Variants in ZNF276 observed in about 807,000 individuals in gnomAD.
ZNF276 encodes the protein centromere protein Z.
In ZNF276, 59 loss-of-function variants were observed where a neutral mutation model predicts 63.9. The ratio of observed to expected loss-of-function variants is 0.92; its 90% CI spans 0.75 to 1.15. The LOEUF (loss-of-function observed/expected upper bound fraction) is 1.15. Ranked by LOEUF, ZNF276 falls within the 50% of genes most tolerant of loss-of-function variation. The probability of loss-of-function intolerance (pLI) is 0.00; values close to 1 mark genes in which losing one functional copy is unlikely to be tolerated. For synonymous variants in ZNF276, 496 were observed against 348.4 expected, an observed-to-expected ratio of 1.42 and a Z score of -4.72; for missense variants, 1,084 against 843.8, an observed-to-expected ratio of 1.28 and a Z score of -3.53.
At chr16:89,727,198 A>G (rs569605783) in intron 4 of ZNF276, 81 bp from the exon 5 acceptor site, 331 of 1,404,066 alleles carry the variant, frequency 2.4e-4, no homozygotes, top group South Asian at 5.2e-4. Flanking sequence ...CTAGTCATCA[A>G]TAGTAGAATC....
chr16:89,725,756 G>A (rs111746983), intron 4 of ZNF276, among the ~76,000 whole-genome samples: 172 of 152,106 alleles, frequency 1.1e-3, no homozygotes, highest in African/African-American at 3.7e-3. Flanking sequence ...CTACCACTAC[G>A]CTCTGGCCTG....
chr16:89,737,700 T>G, intron 9 of ZNF276, 106 bp from the exon 10 acceptor site: 1 of 1,578,584 alleles, frequency 6.3e-7, no homozygotes, highest in Non-Finnish European at 8.6e-7. Context: ...TGGTGAACCA[T>G]GTGCAGAAAT....
chr16:89,733,289 C>G lies in ZNF276; in HGVS notation c.1170-13C>G, dbSNP rs1168769747. ...ATCAGAAACCATTGAATTTGGGAAC[C>G]TCTTTTTTTCAGAGTCTCTGGTAAG... On this transcript the variant is annotated splice_polypyrimidine_tract_variant and intron_variant, in intron 6 of 10. Coordinates refer to ENST00000443381, the MANE Select transcript of ZNF276 (RefSeq NM_001113525.2). The G allele has an allele frequency of 1.2e-6, 2 of 1,607,730 alleles. No homozygotes were observed. The highest frequency in any genetic ancestry group is 1.7e-5 in the Admixed American group (1 of 58,414).
chr16:89,733,762 T>C (rs964974721), intron 8 of ZNF276, among the ~76,000 whole-genome samples, 159 bp from the exon 9 acceptor site: 2 of 150,506 alleles, frequency 1.3e-5, no homozygotes, highest in African/African-American at 4.9e-5. Flanking sequence ...CCCCGGGGGG[T>C]CTAGAAGTTT....
In ZNF276 at chr16:89,738,119, T is replaced by C; in HGVS notation, c.1718T>C (p.Met573Thr). 1 of 1,613,820 alleles carries C rather than the reference T, an allele frequency of 6.2e-7. No individual in the cohort carries two copies. The highest frequency in any genetic ancestry group is 8.5e-7 in the Non-Finnish European group (1 of 1,179,994). The change falls in exon 11 of 11, where the codon ATG becomes ACG. Residue 573 changes from methionine to threonine, a missense_variant. Physicochemically the swap from Met to Thr is moderately conservative, Grantham distance 81 (BLOSUM62 -1). Coordinates refer to ENST00000443381, the MANE Select transcript of ZNF276 (RefSeq NM_001113525.2). Reference sequence around the variant, plus strand: ...AAGGCCCACAACCTCAATGTACACATGTCCATGGTGCACCCGCTGACACAG... The same window carrying C: ...AAGGCCCACAACCTCAATGTACACACGTCCATGGTGCACCCGCTGACACAG... ...FEKAHNLNVHMSMVHPLTQTQ... is the reference protein window; with the variant it reads ...FEKAHNLNVHTSMVHPLTQTQ...
In ZNF276 at chr16:89,733,562, G is replaced by A. The variant is rs2061746099; in HGVS notation, c.1356+5G>A. On this transcript the variant is annotated splice_donor_5th_base_variant and intron_variant, in intron 8 of 10. Coordinates refer to ENST00000443381, the MANE Select transcript of ZNF276 (RefSeq NM_001113525.2). Reference sequence around the variant, plus strand: ...CGAGGCGCTGACGGCATGAAGGTGAGCACTGGCTGTGCCTGACCCAGGCCC... The same window carrying A: ...CGAGGCGCTGACGGCATGAAGGTGAACACTGGCTGTGCCTGACCCAGGCCC... 1.2e-6 allele frequency: 2 copies of A among 1,613,648 alleles called. No homozygotes were observed. The highest frequency in any genetic ancestry group is 8.5e-7 in the Non-Finnish European group (1 of 1,180,020).
Position 89,729,421 on chromosome 16 carries a change from C to A in ZNF276, c.1169+103C>A, listed in dbSNP as rs894808244. 20 of 1,034,962 alleles carry A rather than the reference C, an allele frequency of 1.9e-5. No homozygotes were observed. The African/African-American group carries it at 3.0e-4, about 16-fold the overall frequency. The allele number at this position is 1,034,962 out of a possible 1,614,324, so 64.1% of individuals were successfully genotyped here. A position where few individuals can be genotyped will look rare whatever the true frequency, so the allele number is the denominator to read the frequency against. On this transcript the variant is annotated intron_variant, in intron 6 of 10. Coordinates refer to ENST00000443381, the MANE Select transcript of ZNF276 (RefSeq NM_001113525.2). Reference sequence around the variant, plus strand: ...CCGGTGCCCACTCAGTTCACTCTCTCGTGTGCGGATCTCCCGAGCCCAGTG... The same window carrying A: ...CCGGTGCCCACTCAGTTCACTCTCTAGTGTGCGGATCTCCCGAGCCCAGTG...
rs138210791 is a variant in ZNF276, at chr16:89,729,314, A to C, written c.1165A>C (p.Arg389=). The change falls in exon 6 of 11, where the codon AGG becomes CGG. Residue 389 remains arginine (R), a synonymous_variant. Coordinates refer to ENST00000443381, the MANE Select transcript of ZNF276 (RefSeq NM_001113525.2). ...CGAGTCCTTTGAGCCTTACCCAGAA[A>C]GGAAGTAAGTGGGCAGCCCGGGGTC... ...SDESFEPYPE[R]KVSGKKSESK... 6.2e-7 allele frequency: 1 copy of C among 1,614,090 alleles called. No homozygotes were observed. Among genetic ancestry groups the C allele is most frequent in the African/African-American group, 1.3e-5 (1 of 75,052 alleles).
At chr16:89,736,509 G>GAGAC (rs2061899090) in intron 9 of ZNF276, among the ~76,000 whole-genome samples, 1 of 151,560 alleles carries the variant, frequency 6.6e-6, no homozygotes, top group Non-Finnish European at 1.5e-5. Flanking sequence ...ATTTTTAGTA[G>GAGAC]AGACAGGGTT....
chr16:89,728,422 G>C (rs944231199), intron 5 of ZNF276, among the ~76,000 whole-genome samples: 1 of 150,004 alleles, frequency 6.7e-6, no homozygotes, highest in African/African-American at 2.5e-5. Context: ...TTTTTTATTT[G>C]AGACGGAGTC....
intron 4 of ZNF276, 66 bp from the exon 5 acceptor site, chr16:89,727,213 C>G: frequency 6.7e-7 from 1 of 1,502,220 alleles, no homozygotes; most frequent in South Asian, 1.1e-5. Flanking sequence ...AGAATCATGC[C>G]TCCTTGCAGG....
Position 89,721,826 on chromosome 16 carries a change from G to T in ZNF276, c.186G>T (p.Glu62Asp). ...TGGGGTCCTGCGGGGACGCGGGCGA[G>T]GACGGCGCGGACGAGGCAGGTGGGT... is the stretch of plus-strand genomic sequence containing the variant. ...GPVGSCGDAG[E>D]DGADEAGAGR... Residue 62 changes from glutamate to aspartate, a missense_variant, in exon 1 of 11, where the codon GAG becomes GAT. Physicochemically the swap from Glu to Asp is conservative, Grantham distance 45. Transcript: ENST00000443381. 1 of 1,220,686 alleles carries T rather than the reference G, an allele frequency of 8.2e-7. No individual in the cohort carries two copies. The highest frequency in any genetic ancestry group is 1.0e-6 in the Non-Finnish European group (1 of 981,290). 75.6% of individuals were successfully genotyped at this position (1,220,686 alleles called of 1,614,324 possible).
chr16:89,734,378 T>A (rs2061779068), intron 9 of ZNF276, among the ~76,000 whole-genome samples: 1 of 152,150 alleles, frequency 6.6e-6, no homozygotes, highest in African/African-American at 2.4e-5. Flanking sequence ...CAGGCTGGAG[T>A]GCAGTGGCAC....
chr16:89,721,124 C>T (rs2061255856), upstream of ZNF276: 4 of 300,572 alleles, frequency 1.3e-5, no homozygotes, highest in Non-Finnish European at 2.4e-5. Context: ...GAGAAGGGCC[C>T]CTCACGGAGT....
At chr16:89,736,609 G>T (rs905341955) in intron 9 of ZNF276, among the ~76,000 whole-genome samples, 3 of 151,830 alleles carry the variant, frequency 2.0e-5, no homozygotes, top group Non-Finnish European at 4.4e-5. Flanking sequence ...TGAGCACTTT[G>T]TGTAAGCCAC....
At chr16:89,729,436 C>T (rs569693445) in intron 6 of ZNF276, 118 bp downstream of exon 6, 19 of 919,696 alleles carry the variant, frequency 2.1e-5, no homozygotes, top group East Asian at 1.5e-4. Context: ...GCGGATCTCC[C>T]GAGCCCAGTG....
chr16:89,731,209 G>GGA (rs2151685652), intron 6 of ZNF276, among the ~76,000 whole-genome samples: 1 of 152,364 alleles, frequency 6.6e-6, no homozygotes, highest in Non-Finnish European at 1.5e-5. Flanking sequence ...TTAGGGACAG[G>GGA]GAGAGAAGGC....
At chr16:89,732,711 CCCTCGT>C (rs2061697495) in intron 6 of ZNF276, 1 of 208,606 alleles carries the variant, frequency 4.8e-6, no homozygotes, top group African/African-American at 2.4e-5. Context: ...GTACCCTGCG[CCCTCGT>C]CCTCTGCCGT....
chr16:89,727,219 G>T, intron 4 of ZNF276, 60 bp from the exon 5 acceptor site: 1 of 1,529,092 alleles, frequency 6.5e-7, no homozygotes, highest in South Asian at 1.1e-5. Flanking sequence ...ATGCCTCCTT[G>T]CAGGTGAGAC....
Sources: allele counts gnomAD v4.1 joint callset (sites outside exome capture counted in the v4.1 genomes callset), GRCh38; gene constraint gnomAD v4.1.1; transcripts MANE v1.5; gene names NCBI Gene and HGNC (gene_info 2026-07-23, HGNC 2026-07-21).